PLAG1: variants seen among roughly 807,000 people sequenced by gnomAD.
PLAG1 encodes the protein zinc finger protein PLAG1.
PLAG1 carries 7 observed loss-of-function variants against 35.5 expected under a neutral mutation model. The ratio of observed to expected loss-of-function variants is 0.20; its 90% CI spans 0.11 to 0.37. The LOEUF (loss-of-function observed/expected upper bound fraction) is 0.37, where lower values mean the gene tolerates loss of function less well. Among genes scored for constraint, PLAG1 ranks in the 10% least tolerant of loss-of-function variants. PLAG1 has a pLI of 1.00. For missense variants in PLAG1, 454 were observed against 602.8 expected, an observed-to-expected ratio of 0.75 and a Z score of 2.58; for synonymous variants, 229 against 225.4, an observed-to-expected ratio of 1.02 and a Z score of -0.14.
intron 1 of PLAG1, among the ~76,000 whole-genome samples, chr8:56,189,267 A>G (rs942736236): frequency 2.0e-5 from 3 of 152,228 alleles, no homozygotes; most frequent in Admixed American, 2.0e-4. Flanking sequence ...AAATTTGAAA[A>G]TTCTCTTGGA....
intron 1 of PLAG1, among the ~76,000 whole-genome samples, chr8:56,193,984 C>T (rs1369464425): frequency 6.6e-6 from 1 of 152,092 alleles, no homozygotes; most frequent in African/African-American, 2.4e-5. Context: ...TTCCAAAGTG[C>T]TGGGATTACA....
intron 2 of PLAG1, among the ~76,000 whole-genome samples, chr8:56,172,183 CCT>C (rs1811548873): frequency 6.6e-6 from 1 of 151,908 alleles, no homozygotes; most frequent in African/African-American, 2.4e-5. Context: ...AAAAATATCC[CCT>C]GTAATAAAAC....
At position 56,166,892 on chromosome 8, in the gene PLAG1, G is replaced by C. The variant is rs376916890; in HGVS notation, c.854C>G (p.Thr285Ser). The change falls in exon 5 of 5, where the codon ACT becomes AGT. Residue 285 changes from threonine to serine, a missense_variant. By Grantham distance (58) the Thr-to-Ser change is moderately conservative. This residue lies in a region of PLAG1 where 271 missense variants were observed against 315.6 expected (regional missense o/e 0.86). Coordinates refer to ENST00000316981, the MANE Select transcript of PLAG1 (RefSeq NM_002655.3). ...AGTGTTGTAGAGGTTTAACTGCAAA[G>C]TGTTTGTGAATGGCTTTGATAACAG... ...SELLSKPFTNTLQLNLYNTPF... is the reference protein window; with the variant it reads ...SELLSKPFTNSLQLNLYNTPF... 6.7e-5 allele frequency: 108 copies of C among 1,614,056 alleles called. No homozygotes were observed. The highest frequency in any genetic ancestry group is 2.4e-5 in the Non-Finnish European group (28 of 1,180,022).
chr8:56,162,711 G>A lies in PLAG1; in HGVS notation c.*3532C>T, dbSNP rs1811239983. 1 of 209,604 alleles carries A rather than the reference G, an allele frequency of 4.8e-6. No homozygotes were observed. Among genetic ancestry groups the A allele is most frequent in the South Asian group, 1.9e-4 (1 of 5,320 alleles). The allele number at this position is 209,604 out of a possible 1,614,324, so 13.0% of individuals were successfully genotyped here. A position where few individuals can be genotyped will look rare whatever the true frequency, so the allele number is the denominator to read the frequency against. On this transcript the variant is annotated 3_prime_UTR_variant, in exon 5 of 5. Transcript: ENST00000316981. The stretch of plus-strand genomic sequence containing the variant: ...TATGTGTATTGCTCACTAGATGAAC[G>A]ATCCTGAAAATATGTACTCTTTAAC...
chr8:56,178,596 A>T (rs967382539), intron 2 of PLAG1, among the ~76,000 whole-genome samples: 1 of 152,138 alleles, frequency 6.6e-6, no homozygotes, highest in African/African-American at 2.4e-5. Flanking sequence ...AGCTCTGTTG[A>T]TGTATCTTGT....
At chr8:56,191,028 A>T (rs1300692812) in intron 1 of PLAG1, among the ~76,000 whole-genome samples, 2 of 152,060 alleles carry the variant, frequency 1.3e-5, no homozygotes, top group African/African-American at 4.8e-5. Context: ...TTTAAAGGGA[A>T]TGGGGGTATG....
At chr8:56,170,722 A>T (rs996910411) in intron 3 of PLAG1, among the ~76,000 whole-genome samples, 4 of 152,230 alleles carry the variant, frequency 2.6e-5, no homozygotes, top group Non-Finnish European at 5.9e-5. Flanking sequence ...AAGTTATTAA[A>T]AAAAATTATT....
chr8:56,189,788 C>G (rs914012693), intron 1 of PLAG1, among the ~76,000 whole-genome samples: 2 of 152,174 alleles, frequency 1.3e-5, no homozygotes, highest in Non-Finnish European at 2.9e-5. Flanking sequence ...ACAGGTGAGG[C>G]TGGAGAGGTG....
chr8:56,161,019 A>G lies in PLAG1; in HGVS notation c.*5224T>C, dbSNP rs1462530076. 1.7e-5 allele frequency: 3 copies of G among 181,538 alleles called. No individual in the cohort carries two copies. Among genetic ancestry groups the G allele is most frequent in the South Asian group, 2.0e-4 (1 of 5,078 alleles). 11.2% of individuals were successfully genotyped at this position (181,538 alleles called of 1,614,324 possible). On this transcript the variant is annotated 3_prime_UTR_variant, in exon 5 of 5. Transcript: ENST00000316981. ...GAAGCTGCAGTACTATTATTTAATT[A>G]GCAGCAAATTAATATTTTAAATCTG... is the stretch of plus-strand genomic sequence containing the variant.
intron 1 of PLAG1, among the ~76,000 whole-genome samples, chr8:56,196,987 T>TGTGTGC (rs1227336889): frequency 0.02 from 2,986 of 149,462 alleles, 58 homozygotes; most frequent in South Asian, 0.04. Flanking sequence ...TGTGTGTGTG[T>TGTGTGC]GCTCCTCTCT....
intron 2 of PLAG1, among the ~76,000 whole-genome samples, chr8:56,172,128 T>C (rs1204686220): frequency 6.6e-6 from 1 of 152,216 alleles, no homozygotes; most frequent in Non-Finnish European, 1.5e-5. Flanking sequence ...GATATGTTAA[T>C]GACAGGTTAA....
chr8:56,161,876 A>C lies in PLAG1; in HGVS notation c.*4367T>G. 4.4e-6 allele frequency: 1 copy of C among 228,546 alleles called. No homozygotes were observed. The highest frequency in any genetic ancestry group is 8.7e-6 in the Non-Finnish European group (1 of 114,752). 14.2% of individuals were successfully genotyped at this position (228,546 alleles called of 1,614,324 possible). A position where few individuals can be genotyped will look rare whatever the true frequency, so the allele number is the denominator to read the frequency against. On this transcript the variant is annotated 3_prime_UTR_variant, in exon 5 of 5. Coordinates refer to ENST00000316981, the MANE Select transcript of PLAG1 (RefSeq NM_002655.3). ...TCATTCTGGTTCATCTGTACCACTG[A>C]AGCTTATATAATGAAGTGTTTTATA... is the stretch of plus-strand genomic sequence containing the variant.
intron 1 of PLAG1, among the ~76,000 whole-genome samples, chr8:56,191,806 A>G (rs1198131425): frequency 6.8e-6 from 1 of 147,906 alleles, no homozygotes; most frequent in East Asian, 2.0e-4. Flanking sequence ...TCTAAAACAC[A>G]GGAAAAAAAA....
At chr8:56,177,788 A>G (rs1350160681) in intron 2 of PLAG1, among the ~76,000 whole-genome samples, 4 of 152,204 alleles carry the variant, frequency 2.6e-5, no homozygotes, top group African/African-American at 4.8e-5. Context: ...TTGGTTATAA[A>G]GCAAGCTCAG....
At chr8:56,178,020 G>A (rs1038401291) in intron 2 of PLAG1, 6 of 981,858 alleles carry the variant, frequency 6.1e-6, no homozygotes, top group Admixed American at 6.1e-5. Context: ...CAGCCTGGAC[G>A]TTTAGAACAC....
intron 2 of PLAG1, among the ~76,000 whole-genome samples, chr8:56,174,571 C>G (rs1224793797): frequency 1.3e-5 from 2 of 152,094 alleles, no homozygotes; most frequent in African/African-American, 2.4e-5. Context: ...TGTTGTTTCC[C>G]ATAAAAGGCA....
chr8:56,173,951 G>A (rs551416683), intron 2 of PLAG1, among the ~76,000 whole-genome samples: 1 of 152,260 alleles, frequency 6.6e-6, no homozygotes, highest in East Asian at 1.9e-4. Context: ...CCTATGAGAT[G>A]CCAGCAAAAG....
intron 2 of PLAG1, among the ~76,000 whole-genome samples, chr8:56,176,693 A>C (rs1811706240): frequency 6.6e-6 from 1 of 152,100 alleles, no homozygotes; most frequent in South Asian, 2.1e-4. Flanking sequence ...AACAGTCCCA[A>C]AATATTGGTG....
chr8:56,191,879 C>T (rs1464371176), intron 1 of PLAG1, among the ~76,000 whole-genome samples: 2 of 150,902 alleles, frequency 1.3e-5, no homozygotes, highest in African/African-American at 4.9e-5. Context: ...TACAAATCTA[C>T]ACATATCAAG....
Sources: allele counts gnomAD v4.1 joint callset (sites outside exome capture counted in the v4.1 genomes callset), GRCh38; gene constraint gnomAD v4.1.1; regional missense constraint gnomAD v4.1.1; transcripts MANE v1.5; gene names NCBI Gene and HGNC (gene_info 2026-07-23, HGNC 2026-07-21).